SYNM: variants seen among roughly 807,000 people sequenced by gnomAD.
SYNM encodes synemin, also known as desmuslin.
In SYNM, 95 loss-of-function variants were observed where a neutral mutation model predicts 104.0. The ratio of observed to expected loss-of-function variants is 0.91; its 90% CI spans 0.77 to 1.08. The LOEUF is 1.08. Ranked by LOEUF, SYNM falls within the 50% of genes least tolerant of loss-of-function variation. The pLI, the probability that SYNM is intolerant of heterozygous loss-of-function variation, is 0.00. For missense variants in SYNM, 2,150 were observed against 2,052.2 expected (o/e 1.05, Z -0.92); for synonymous variants, 918 against 869.0 (o/e 1.06, Z -0.99).
intron 2 of SYNM, among the ~76,000 whole-genome samples, chr15:99,122,841 CATAA>C (rs2067413664): frequency 1.3e-5 from 2 of 152,136 alleles, no homozygotes. Flanking sequence ...CCTGTCTCTA[CATAA>C]ATAAATAAAT....
At position 99,130,558 on chromosome 15, in the gene SYNM, G is replaced by T. The variant is rs782644801; in HGVS notation, c.2198G>T (p.Gly733Val). The change falls in exon 4 of 4, where the codon GGC becomes GTC. Residue 733 changes from glycine (G) to valine (V), a missense_variant. Gly to Val is a moderately radical substitution (Grantham distance 109). Coordinates refer to ENST00000336292, the MANE Select transcript of SYNM (RefSeq NM_145728.3). ...EQMIGDIINL[G>V]LKGREGRAKV... ...ATGATAGGAGACATCATCAACCTCG[G>T]CCTGAAAGGGAGGGAGGGGAGAGCA... 1.2e-6 allele frequency: 2 copies of T among 1,613,848 alleles called. No individual in the cohort carries two copies. Among genetic ancestry groups the T allele is most frequent in the Non-Finnish European group, 1.7e-6 (2 of 1,179,834 alleles).
chr15:99,106,560 A>G (rs1184587242), intron 1 of SYNM, among the ~76,000 whole-genome samples: 1 of 152,256 alleles, frequency 6.6e-6, no homozygotes, highest in Non-Finnish European at 1.5e-5. Flanking sequence ...TGGGAGGGGC[A>G]GCAACCCTCA....
In SYNM at chr15:99,129,392, T is replaced by C; in HGVS notation, c.1032T>C (p.Tyr344=). Residue 344 remains tyrosine, a synonymous_variant, in exon 4 of 4, where the codon TAT becomes TAC. Coordinates refer to ENST00000336292, the MANE Select transcript of SYNM (RefSeq NM_145728.3). ...AATTCAGAAACAAATCCTATCACTATACCGACTCACTACTACAGAGGGAAA... is the reference window on the plus strand; with the variant it reads ...AATTCAGAAACAAATCCTATCACTACACCGACTCACTACTACAGAGGGAAA... ...PSEFRNKSYH[Y]TDSLLQRENE... The C allele has an allele frequency of 6.2e-7, 1 of 1,613,978 alleles. No individual in the cohort carries two copies. The highest frequency in any genetic ancestry group is 8.5e-7 in the Non-Finnish European group (1 of 1,179,886).
At position 99,130,954 on chromosome 15, in the gene SYNM, G is replaced by A. The variant is rs1567284005; in HGVS notation, c.2594G>A (p.Trp865Ter). The change falls in exon 4 of 4, where the codon TGG becomes TAG. Residue 865 changes from tryptophan to a stop codon, truncating the protein, a stop_gained. Transcript: ENST00000336292. LOFTEE classifies it high-confidence loss of function. The part of the protein sequence containing the change: ...IEEESTIRYS[W>*]QDEIVQGTRR... ...GAGGAATCCACCATCAGGTACTCTT[G>A]GCAGGATGAAATCGTGCAGGGGACT... 26 of 1,613,836 alleles carry A rather than the reference G, an allele frequency of 1.6e-5. No individual in the cohort carries two copies. The highest frequency in any genetic ancestry group is 2.2e-5 in the Non-Finnish European group (26 of 1,179,840).
chr15:99,108,749 A>C (rs2067272660), intron 1 of SYNM, among the ~76,000 whole-genome samples: 1 of 152,188 alleles, frequency 6.6e-6, no homozygotes, highest in African/African-American at 2.4e-5. Context: ...GCCAGGATTC[A>C]ACTCAGGCTC....
chr15:99,112,343 A>C (rs1202124230), intron 1 of SYNM, among the ~76,000 whole-genome samples: 1 of 152,256 alleles, frequency 6.6e-6, no homozygotes. Context: ...TTCAATGTTT[A>C]AATACTTGCT....
At chr15:99,120,165 C>T (rs987514605) in intron 2 of SYNM, among the ~76,000 whole-genome samples, 9 of 152,202 alleles carry the variant, frequency 5.9e-5, no homozygotes, top group Admixed American at 5.9e-4. Context: ...AGGCCTTCAC[C>T]CAAGGCTGTT....
rs1299236861 is a variant in SYNM at position 99,131,826 on chromosome 15, G to A, written c.3466G>A (p.Gly1156Ser). ...TAEVVEVSAG[G>S]DLSQAASPTG... is the part of the protein sequence containing the mutation. ...AGAAGTGGTGGAGGTAAGTGCGGGA[G>A]GTGACCTAAGTCAGGCAGCGAGCCC... Residue 1156 changes from glycine (G) to serine (S), a missense_variant, in exon 4 of 4, where the codon GGT (glycine) becomes AGT (serine). Physicochemically the swap from Gly to Ser is moderately conservative, Grantham distance 56 (BLOSUM62 0). Coordinates refer to ENST00000336292, the MANE Select transcript of SYNM (RefSeq NM_145728.3). The surrounding 1 kb of genome is among the most constrained non-coding windows in gnomAD (Gnocchi z 4.3). 1 of 1,613,912 alleles carries A rather than the reference G, an allele frequency of 6.2e-7. No homozygotes were observed. Among genetic ancestry groups the A allele is most frequent in the African/African-American group, 1.3e-5 (1 of 75,068 alleles).
At chr15:99,129,186 T>G in intron 3 of SYNM, 181 bp from the exon 4 acceptor site, 1 of 843,248 alleles carries the variant, frequency 1.2e-6, no homozygotes, top group Non-Finnish European at 1.8e-6. Flanking sequence ...TGTAACAGGA[T>G]TTTGTAAACT....
downstream of SYNM, chr15:99,139,774 T>C (rs1555489378): frequency 7.7e-7 from 1 of 1,297,940 alleles, no homozygotes; most frequent in South Asian, 1.3e-5. Flanking sequence ...ATAGTTTTGT[T>C]TTTTTTGTAA....
At chr15:99,127,956 G>T (rs2067462537) in intron 3 of SYNM, among the ~76,000 whole-genome samples, 1 of 152,190 alleles carries the variant, frequency 6.6e-6, no homozygotes, top group Non-Finnish European at 1.5e-5. Flanking sequence ...TTTTGGGGCC[G>T]AGGGAGAGCA....
At position 99,131,830 on chromosome 15, in the gene SYNM, A is replaced by G. The variant is rs199979881; in HGVS notation, c.3470A>G (p.Asp1157Gly). ...AEVVEVSAGG[D>G]LSQAASPTGA... is the part of the protein sequence containing the mutation. ...GTGGTGGAGGTAAGTGCGGGAGGTG[A>G]CCTAAGTCAGGCAGCGAGCCCGACC... The change falls in exon 4 of 4, where the codon GAC (aspartate) becomes GGC (glycine). Residue 1157 changes from aspartate (D) to glycine (G), a missense_variant. Asp to Gly is a moderately conservative substitution (Grantham distance 94). Transcript: ENST00000336292. The surrounding 1 kb of genome is among the most constrained non-coding windows in gnomAD (Gnocchi z 4.3). 2.6e-4 allele frequency: 426 copies of G among 1,613,818 alleles called. 3 individuals are homozygous for G. The highest frequency in any genetic ancestry group is 8.0e-4 in the South Asian group (73 of 91,074).
chr15:99,130,934 A>G lies in SYNM; in HGVS notation c.2574A>G (p.Glu858=), dbSNP rs574121118. 1.2e-6 allele frequency: 2 copies of G among 1,613,856 alleles called. No individual in the cohort carries two copies. Among genetic ancestry groups the G allele is most frequent in the Admixed American group, 3.3e-5 (2 of 60,008 alleles). Residue 858 remains glutamate, a synonymous_variant, in exon 4 of 4, where the codon GAA becomes GAG. Coordinates refer to ENST00000336292, the MANE Select transcript of SYNM (RefSeq NM_145728.3). The stretch of plus-strand genomic sequence containing the variant: ...ACGGGCAGATCCACATCGAGGAGGA[A>G]TCCACCATCAGGTACTCTTGGCAGG... The part of the protein sequence containing the change: ...SVYGQIHIEE[E]STIRYSWQDE...
At chr15:99,120,092 G>A (rs183750870) in intron 2 of SYNM, among the ~76,000 whole-genome samples, 35 of 152,272 alleles carry the variant, frequency 2.3e-4, no homozygotes, top group East Asian at 1.9e-3. Context: ...TGACACCCAC[G>A]TTCAAGGAGG....
chr15:99,115,616 C>G (rs1324347377), intron 2 of SYNM, among the ~76,000 whole-genome samples: 3 of 151,962 alleles, frequency 2.0e-5, no homozygotes, highest in African/African-American at 7.3e-5. Context: ...CCCCTGCCAC[C>G]ATTCCTGGCT....
chr15:99,121,559 T>G (rs902795416), intron 2 of SYNM, among the ~76,000 whole-genome samples: 1 of 152,170 alleles, frequency 6.6e-6, no homozygotes, highest in Non-Finnish European at 1.5e-5. Context: ...TAATTGATGA[T>G]GAGATGGTGA....
chr15:99,132,439 CG>C lies in SYNM; in HGVS notation c.4082del (p.Gly1361ValfsTer6). On this transcript the variant is annotated frameshift_variant, in exon 4 of 4. Coordinates refer to ENST00000336292, the MANE Select transcript of SYNM (RefSeq NM_145728.3). LOFTEE classifies it high-confidence loss of function. ...DVHQATHSHTSGRQTVMTEKS... is the reference protein window; with the variant it reads ...DVHQATHSHTXGRQTVMTEKS... The stretch of plus-strand genomic sequence containing the variant: ...CACCAGGCCACTCACAGTCATACCT[CG>C]GGTAGACAAACCGTTATGACTGAAA... 1 of 1,613,988 alleles carries C rather than the reference CG, an allele frequency of 6.2e-7. No individual in the cohort carries two copies. The highest frequency in any genetic ancestry group is 1.1e-5 in the South Asian group (1 of 91,074).
At position 99,131,268 on chromosome 15, in the gene SYNM, G is replaced by C. The variant is rs552082607; in HGVS notation, c.2908G>C (p.Ala970Pro). The C allele has an allele frequency of 1.9e-6, 3 of 1,611,226 alleles. No homozygotes were observed. The highest frequency in any genetic ancestry group is 2.5e-6 in the Non-Finnish European group (3 of 1,179,046). ...CGAGCGCATGAGGGAGGAGCTGTCC[G>C]CCCTCACCAGAGAGGGGCAGGGTGG... is the stretch of plus-strand genomic sequence containing the variant. ...LPERMREELS[A>P]LTREGQGGPG... is the part of the protein sequence containing the mutation. The change falls in exon 4 of 4, where the codon GCC (alanine) becomes CCC (proline). Residue 970 changes from alanine (A) to proline (P), a missense_variant. Transcript: ENST00000336292. The surrounding 1 kb of genome is among the most constrained non-coding windows in gnomAD (Gnocchi z 4.3).
chr15:99,111,351 A>C (rs895753705), intron 1 of SYNM, among the ~76,000 whole-genome samples: 17 of 152,272 alleles, frequency 1.1e-4, no homozygotes, highest in Admixed American at 1.0e-3. Flanking sequence ...ACATACATAC[A>C]TACATGCATA....
Sources: gnomAD v4.1 joint callset for allele counts (sites outside exome capture counted in the v4.1 genomes callset) on GRCh38, gnomAD v4.1.1 for gene constraint, Gnocchi (gnomAD v3.1) non-coding constraint, MANE v1.5 for transcripts, NCBI Gene and HGNC (gene_info 2026-07-23, HGNC 2026-07-21) for gene names.